Variants in CNTN4 observed in about 807,000 individuals in gnomAD.
CNTN4 encodes the protein contactin-4.
In CNTN4, 77 loss-of-function variants were observed where a neutral mutation model predicts 122.5. The ratio of observed to expected loss-of-function variants is 0.63; its 90% CI spans 0.52 to 0.76. The LOEUF is 0.76. CNTN4 is among the 30% of genes least tolerant of loss of function. The pLI, the probability that CNTN4 is intolerant of heterozygous loss-of-function variation, is 0.00. For missense variants in CNTN4, 1,256 were observed against 1,259.1 expected, an observed-to-expected ratio of 1.00 and a Z score of 0.04; for synonymous variants, 512 against 447.0, an observed-to-expected ratio of 1.15 and a Z score of -1.83.
At chr3:2,227,053 T>A (rs1286052666) in intron 2 of CNTN4, among the ~76,000 whole-genome samples, 1 of 152,160 alleles carries the variant, frequency 6.6e-6, no homozygotes, top group African/African-American at 2.4e-5. Flanking sequence ...TGTGATAGAA[T>A]GTACCCTATT....
chr3:2,614,070 A>G (rs2149851537), intron 4 of CNTN4, among the ~76,000 whole-genome samples: 1 of 152,330 alleles, frequency 6.6e-6, no homozygotes, highest in South Asian at 2.1e-4. Flanking sequence ...CAAAAACAAA[A>G]AATGTGAGAT....
At chr3:2,194,971 T>C (rs2037767181) in intron 2 of CNTN4, among the ~76,000 whole-genome samples, 1 of 152,154 alleles carries the variant, frequency 6.6e-6, no homozygotes, top group African/African-American at 2.4e-5. Context: ...TATATATATA[T>C]ATTTAGATTG....
At chr3:2,485,940 T>G (rs1370196347) in intron 3 of CNTN4, among the ~76,000 whole-genome samples, 1 of 152,196 alleles carries the variant, frequency 6.6e-6, no homozygotes, top group Non-Finnish European at 1.5e-5. Flanking sequence ...GAGCCAGCAG[T>G]GGCAACCCGC....
intron 3 of CNTN4, among the ~76,000 whole-genome samples, chr3:2,549,302 C>G (rs2149349052): frequency 6.6e-6 from 1 of 152,194 alleles, no homozygotes; most frequent in South Asian, 2.1e-4. Context: ...ATGCTTCCAG[C>G]TTTTGCCCAT....
At chr3:2,350,951 C>T (rs1442805267) in intron 3 of CNTN4, among the ~76,000 whole-genome samples, 1 of 152,268 alleles carries the variant, frequency 6.6e-6, no homozygotes, top group African/African-American at 2.4e-5. Context: ...ATTAATGCAG[C>T]CTCCCAACGC....
intron 4 of CNTN4, among the ~76,000 whole-genome samples, chr3:2,588,612 G>T (rs375894961): frequency 2.0e-5 from 3 of 151,744 alleles, no homozygotes; most frequent in East Asian, 3.9e-4. Flanking sequence ...TGATCCACTC[G>T]CCTCGGCCTC....
chr3:2,131,365 G>A (rs574390059), intron 2 of CNTN4, among the ~76,000 whole-genome samples: 4 of 152,254 alleles, frequency 2.6e-5, no homozygotes, highest in Admixed American at 1.3e-4. Context: ...GAATTAATAC[G>A]AAGGGTATCA....
chr3:2,485,074 C>T (rs570841754), intron 3 of CNTN4, among the ~76,000 whole-genome samples: 93 of 152,326 alleles, frequency 6.1e-4, no homozygotes, highest in African/African-American at 2.2e-3. Context: ...AGAGGGTGCG[C>T]CGGGTCCCCC....
intron 13 of CNTN4, among the ~76,000 whole-genome samples, chr3:2,942,134 T>G (rs2094622417): frequency 6.6e-6 from 1 of 152,344 alleles, no homozygotes; most frequent in Middle Eastern, 3.4e-3. Flanking sequence ...GAATACAACT[T>G]AGGGCTTTAG....
intron 2 of CNTN4, among the ~76,000 whole-genome samples, chr3:2,121,887 T>C (rs2033807266): frequency 6.6e-6 from 1 of 152,082 alleles, no homozygotes; most frequent in Non-Finnish European, 1.5e-5. Flanking sequence ...TATTTTAAAA[T>C]TATTTTTCTT....
At chr3:2,814,824 C>A (rs1377509101) in intron 6 of CNTN4, among the ~76,000 whole-genome samples, 1 of 152,194 alleles carries the variant, frequency 6.6e-6, no homozygotes, top group African/African-American at 2.4e-5. Flanking sequence ...TCAGCTGTGT[C>A]ACCTATAAAT....
intron 13 of CNTN4, among the ~76,000 whole-genome samples, chr3:2,934,379 C>T (rs1050328169): frequency 6.6e-6 from 1 of 152,158 alleles, no homozygotes; most frequent in African/African-American, 2.4e-5. Context: ...GGATCATAAC[C>T]CTAATTTGCC....
At chr3:2,492,341 C>T (rs573673266) in intron 3 of CNTN4, among the ~76,000 whole-genome samples, 1 of 152,072 alleles carries the variant, frequency 6.6e-6, no homozygotes, top group Non-Finnish European at 1.5e-5. Flanking sequence ...GATAGTGGGT[C>T]AGATTTTTGG....
At chr3:2,771,643 T>C (rs2091105376) in intron 6 of CNTN4, among the ~76,000 whole-genome samples, 1 of 152,098 alleles carries the variant, frequency 6.6e-6, no homozygotes, top group African/African-American at 2.4e-5. Context: ...AAATAAGGCA[T>C]GCTTTATTGA....
chr3:3,015,355 G>C (rs60576222), intron 14 of CNTN4, among the ~76,000 whole-genome samples: 3,757 of 152,062 alleles, frequency 0.025, 142 homozygotes, highest in African/African-American at 0.083. Context: ...TGTTGGGGGT[G>C]GGGGAGGGAG....
chr3:2,565,854 T>C (rs2079135750), intron 3 of CNTN4, among the ~76,000 whole-genome samples: 1 of 152,186 alleles, frequency 6.6e-6, no homozygotes, highest in Non-Finnish European at 1.5e-5. Context: ...GTTAGGAAAC[T>C]CTCAACTCTA....
chr3:2,666,826 TG>T lies in CNTN4; in HGVS notation c.56-69388del, dbSNP rs1187709151. 1.6e-4 allele frequency among the ~76,000 whole-genome samples: 24 copies of T among 147,404 alleles called. No individual in the cohort carries two copies. In the East Asian group the frequency reaches 5.0e-3, roughly 30 times the overall value. ...TTATTGTTCAATTCCCACCTATGAG[TG>T]CGAACACACGGTGTTTGGTTTTTTG... is the stretch of plus-strand genomic sequence containing the variant. On this transcript the variant is annotated intron_variant, in intron 4 of 24. Transcript: ENST00000418658.
intron 3 of CNTN4, among the ~76,000 whole-genome samples, chr3:2,409,197 C>T (rs560931166): frequency 1.3e-5 from 2 of 150,826 alleles, no homozygotes; most frequent in African/African-American, 2.4e-5. Context: ...TTAATAAAAA[C>T]GTTTGTTACT....
chr3:2,498,365 C>T (rs567606552), intron 3 of CNTN4, among the ~76,000 whole-genome samples: 1 of 152,176 alleles, frequency 6.6e-6, no homozygotes, highest in Non-Finnish European at 1.5e-5. Context: ...GTGTCTCTAT[C>T]ATTTTACATT....
Sources: allele counts gnomAD v4.1 joint callset (sites outside exome capture counted in the v4.1 genomes callset), GRCh38; gene constraint gnomAD v4.1.1; transcripts MANE v1.5; gene names NCBI Gene and HGNC (gene_info 2026-07-23, HGNC 2026-07-21).